Variants in ANKRD26 observed in about 807,000 individuals in gnomAD.
The protein encoded by ANKRD26 is ankyrin repeat domain-containing protein 26.
ANKRD26 carries 141 observed loss-of-function variants against 208.7 expected under a neutral mutation model. The observed-to-expected ratio is 0.68, with a 90% CI of 0.59 to 0.78. ANKRD26 has a LOEUF of 0.78. Ranked by LOEUF, ANKRD26 falls within the 30% of genes least tolerant of loss-of-function variation. ANKRD26 has a pLI of 0.00. For missense variants in ANKRD26, 1,889 were observed against 1,938.7 expected (o/e 0.97, Z 0.48); for synonymous variants, 636 against 660.4 (o/e 0.96, Z 0.57).
the ANKRD26 span, among the ~76,000 whole-genome samples, chr10:26,961,040 A>G: frequency 6.6e-6 from 1 of 152,130 alleles, no homozygotes; most frequent in Non-Finnish European, 1.5e-5. Context: ...AACATGGTGA[A>G]ACCCTGTCTC....
At chr10:27,094,285 T>C (rs1205580099) in intron 1 of ANKRD26, among the ~76,000 whole-genome samples, 2 of 152,328 alleles carry the variant, frequency 1.3e-5, no homozygotes, top group Non-Finnish European at 2.9e-5. Flanking sequence ...AACAGACTAA[T>C]ACACATGTTA....
Position 27,011,969 on chromosome 10 carries a change from G to GT in ANKRD26, c.4953+912dup, listed in dbSNP as rs1393347350. Among the ~76,000 whole-genome samples the GT allele has an allele frequency of 2.0e-5, 3 of 152,164 alleles. No homozygotes were observed. In the East Asian group the frequency reaches 5.8e-4, roughly 29 times the overall value. ...TTACAAAAATTGAGAGAAAAATGCTGTAACAATAGCAACTAAGAATGTACT... is the reference window on the plus strand; with the variant it reads ...TTACAAAAATTGAGAGAAAAATGCTGTTAACAATAGCAACTAAGAATGTACT... On this transcript the variant is annotated intron_variant, in intron 32 of 33. Transcript: ENST00000376087.
rs1457594724 is a variant in ANKRD26 at position 27,100,369 on chromosome 10, G to A, written c.-43C>T. 3.4e-5 allele frequency: 55 copies of A among 1,600,612 alleles called. No individual in the cohort carries two copies. The highest frequency in any genetic ancestry group is 4.6e-5 in the Non-Finnish European group (54 of 1,179,564). ...TTCAGAGACACCTCATGTCTCTCTC[G>A]GCTCTTAACGGCCTCCGGAGCCCAA... On this transcript the variant is annotated 5_prime_UTR_variant, in exon 1 of 34. Coordinates refer to ENST00000376087, the MANE Select transcript of ANKRD26 (RefSeq NM_014915.3).
chr10:27,018,141 A>ATTTTTTTTTT (rs11346457), intron 29 of ANKRD26, among the ~76,000 whole-genome samples: 3 of 131,162 alleles, frequency 2.3e-5, no homozygotes, highest in Non-Finnish European at 3.2e-5. Context: ...ATGCCCTATA[A>ATTTTTTTTTT]TTTTTTTTTT....
chr10:27,024,357 A>C, intron 28 of ANKRD26, 90 bp downstream of exon 28: 1 of 699,050 alleles, frequency 1.4e-6, no homozygotes, highest in Non-Finnish European at 2.4e-6. Flanking sequence ...AGTAGATATT[A>C]AATGAATTTA....
intron 6 of ANKRD26, chr10:27,080,792 A>G: frequency 1.0e-6 from 1 of 985,450 alleles, no homozygotes; most frequent in Non-Finnish European, 1.2e-6. Context: ...AGCTAAATGG[A>G]GTCTCTGTCA....
At chr10:27,029,051 T>C (rs1402950593) in intron 26 of ANKRD26, 106 bp from the exon 27 acceptor site, 2 of 1,106,920 alleles carry the variant, frequency 1.8e-6, no homozygotes, top group Non-Finnish European at 2.6e-6. Context: ...TTCTTAAAGA[T>C]TTCAAAAGTA....
chr10:27,036,358 A>G (rs1430038265), intron 23 of ANKRD26, among the ~76,000 whole-genome samples: 1 of 151,932 alleles, frequency 6.6e-6, no homozygotes, highest in African/African-American at 2.4e-5. Flanking sequence ...AAAAAAAAAA[A>G]GCAGCTGTAT....
At chr10:27,037,475 T>C in intron 22 of ANKRD26, 152 bp from the exon 23 acceptor site, 1 of 856,760 alleles carries the variant, frequency 1.2e-6, no homozygotes, top group East Asian at 2.6e-5. Flanking sequence ...CAAATTTTAA[T>C]CACCTAAGTG....
At chr10:27,050,642 T>A (rs1323295491) in intron 16 of ANKRD26, among the ~76,000 whole-genome samples, 1 of 152,208 alleles carries the variant, frequency 6.6e-6, no homozygotes, top group South Asian at 2.1e-4. Flanking sequence ...TATTTTTATA[T>A]CTCTTCTCAG....
chr10:27,019,154 C>A (rs2053404465), intron 29 of ANKRD26, among the ~76,000 whole-genome samples: 1 of 151,938 alleles, frequency 6.6e-6, no homozygotes, highest in Admixed American at 6.6e-5. Context: ...GTGGTGGGCA[C>A]CTGTAGTCCC....
exon 6 of ANKRD26, among the ~76,000 whole-genome samples, chr10:26,975,808 C>T (rs2052218052): frequency 6.6e-6 from 1 of 151,874 alleles, no homozygotes; most frequent in South Asian, 2.1e-4. Flanking sequence ...CCCCACTGCA[C>T]TCCAGTGTGG....
chr10:27,014,862 G>C (rs1193108754), intron 30 of ANKRD26, 151 bp from the exon 31 acceptor site: 5 of 646,854 alleles, frequency 7.7e-6, no homozygotes, highest in African/African-American at 7.4e-5. Context: ...AAAGAGATAA[G>C]AGGACATCCC....
intron 32 of ANKRD26, among the ~76,000 whole-genome samples, chr10:27,010,894 T>C (rs1214964056): frequency 6.6e-6 from 1 of 152,172 alleles, no homozygotes; most frequent in Non-Finnish European, 1.5e-5. Flanking sequence ...ATCATCTCAT[T>C]GTCAGAAAAA....
intron 18 of ANKRD26, among the ~76,000 whole-genome samples, chr10:27,045,208 G>A (rs992430880): frequency 5.9e-5 from 9 of 152,280 alleles, no homozygotes; most frequent in Admixed American, 5.9e-4. Flanking sequence ...CAGATCACTT[G>A]AGGTCAGGAG....
At chr10:27,028,585 C>CAAAAAAAAAGAAAAA (rs2053754654) in intron 27 of ANKRD26, among the ~76,000 whole-genome samples, 1 of 76,092 alleles carries the variant, frequency 1.3e-5, no homozygotes, top group Non-Finnish European at 2.4e-5. Context: ...GACTCCATCT[C>CAAAAAAAAAGAAAAA]AAAAAAAAAA....
At chr10:26,958,639 G>C in the ANKRD26 span, among the ~76,000 whole-genome samples, 1 of 152,146 alleles carries the variant, frequency 6.6e-6, no homozygotes, top group South Asian at 2.1e-4. Flanking sequence ...CAAAGGACAT[G>C]ATCTTATTCC....
Position 27,030,658 on chromosome 10 carries a change from T to C in ANKRD26, c.3808-1302A>G, listed in dbSNP as rs79146154. On this transcript the variant is annotated intron_variant, in intron 25 of 33. Coordinates refer to ENST00000376087, the MANE Select transcript of ANKRD26 (RefSeq NM_014915.3). Reference sequence around the variant, plus strand: ...TTTTCAGGGTGAAAAACATGAGCATTTGATTGAATAACTTTCCTTTACTAG... The same window carrying C: ...TTTTCAGGGTGAAAAACATGAGCATCTGATTGAATAACTTTCCTTTACTAG... 6.3e-3 allele frequency: 5,837 copies of C among 926,742 alleles called. 332 individuals carry two copies. The East Asian group carries it at 0.15, about 25-fold the overall frequency. 57.4% of individuals were successfully genotyped at this position (926,742 alleles called of 1,614,324 possible).
At chr10:27,043,788 G>A (rs141837559) in intron 19 of ANKRD26, among the ~76,000 whole-genome samples, 15 of 151,694 alleles carry the variant, frequency 9.9e-5, no homozygotes, top group African/African-American at 3.6e-4. Flanking sequence ...TTAATTTCAT[G>A]TTTTTGTTTT....
Sources: allele counts gnomAD v4.1 joint callset (sites outside exome capture counted in the v4.1 genomes callset), GRCh38; gene constraint gnomAD v4.1.1; transcripts MANE v1.5; gene names NCBI Gene and HGNC (gene_info 2026-07-23, HGNC 2026-07-21).